Variants in SLCO1B1 observed in about 807,000 individuals in gnomAD.
SLCO1B1 encodes the protein OATP-2.
A neutral mutation model predicts 70.1 loss-of-function variants in SLCO1B1; 81 were observed. That is an observed-to-expected ratio of 1.16 (90% CI 0.97 to 1.39). The LOEUF (loss-of-function observed/expected upper bound fraction) is 1.39. Among genes scored for constraint, SLCO1B1 ranks in the 40% most tolerant of loss-of-function variants. SLCO1B1 has a pLI of 0.00. For missense variants in SLCO1B1, 895 were observed against 799.6 expected (o/e 1.12, Z -1.44); for synonymous variants, 283 against 271.5 (o/e 1.04, Z -0.42).
chr12:21,170,851 C>T (rs879852789), intron 2 of SLCO1B1, among the ~76,000 whole-genome samples: 1 of 152,196 alleles, frequency 6.6e-6, no homozygotes, highest in Non-Finnish European at 1.5e-5. Flanking sequence ...CACATTTTGT[C>T]GGCTATCAAA....
intron 2 of SLCO1B1, 36 bp downstream of exon 2, chr12:21,141,694 T>G (rs771702747): frequency 7.6e-7 from 1 of 1,323,236 alleles, no homozygotes; most frequent in Non-Finnish European, 1.1e-6. Context: ...CTAAAATAAG[T>G]AAATAGGGAA....
intron 2 of SLCO1B1, among the ~76,000 whole-genome samples, 188 bp from the exon 3 acceptor site, chr12:21,172,462 A>C (rs1940767497): frequency 6.6e-6 from 1 of 152,242 alleles, no homozygotes; most frequent in Non-Finnish European, 1.5e-5. Context: ...ATGCTTTATC[A>C]GTGTAGTGAT....
intron 1 of SLCO1B1, among the ~76,000 whole-genome samples, chr12:21,133,555 G>T (rs1165822935): frequency 2.6e-5 from 4 of 152,094 alleles, no homozygotes; most frequent in African/African-American, 9.7e-5. Context: ...CACATCCCTT[G>T]TAAGTTGGAT....
At chr12:21,183,987 A>G (rs931922083) in intron 7 of SLCO1B1, among the ~76,000 whole-genome samples, 18 of 152,126 alleles carry the variant, frequency 1.2e-4, no homozygotes, top group African/African-American at 4.3e-4. Context: ...CAAAGAGAGA[A>G]AAGAATCTCA....
intron 2 of SLCO1B1, among the ~76,000 whole-genome samples, chr12:21,149,215 T>G (rs1333019000): frequency 6.6e-6 from 1 of 152,114 alleles, no homozygotes; most frequent in African/African-American, 2.4e-5. Context: ...TATCTTTTAT[T>G]TATTTCTCTT....
Position 21,224,856 on chromosome 12 carries a change from A to G in SLCO1B1, c.1865+17A>G. 1.5e-6 allele frequency: 2 copies of G among 1,323,100 alleles called. No individual in the cohort carries two copies. The highest frequency in any genetic ancestry group is 1.3e-5 in the South Asian group (1 of 79,908). The allele number at this position is 1,323,100 out of a possible 1,614,324, so 82.0% of individuals were successfully genotyped here. On this transcript the variant is annotated intron_variant, in intron 14 of 14. Transcript: ENST00000256958. ...ATCATTTTCGTAAGTTGTCATAAATATATTTCATTATTTTTTCTTTGACTA... is the reference window on the plus strand; with the variant it reads ...ATCATTTTCGTAAGTTGTCATAAATGTATTTCATTATTTTTTCTTTGACTA...
At position 21,200,571 on chromosome 12, in the gene SLCO1B1, C is replaced by T. The variant is rs61760243; in HGVS notation, c.1034C>T (p.Thr345Met). ...CTGTATGTTATGTTTGTGCTTTTGA[C>T]GTTGTTACAAGTAAGCAGCTATATT... Reference protein sequence around the residue: ...NPLYVMFVLLTLLQVSSYIGA... With the variant: ...NPLYVMFVLLMLLQVSSYIGA... Residue 345 changes from threonine (T) to methionine (M), a missense_variant, in exon 9 of 15, where the codon ACG (threonine) becomes ATG (methionine). Coordinates refer to ENST00000256958, the MANE Select transcript of SLCO1B1 (RefSeq NM_006446.5). The T allele has an allele frequency of 1.8e-4, 293 of 1,607,152 alleles. 2 individuals carry two copies. The Middle Eastern group carries it at 2.0e-3, about 11-fold the overall frequency.
rs1941168442 is a variant in SLCO1B1 at position 21,202,389 on chromosome 12, CAAT to C, written c.1136-97_1136-95del. Reference sequence around the variant, plus strand: ...CTTAAAGTAAAATTTTAAAAAGAAGCAATAATATTGAATAAATTTGATTGACAT... The same window carrying C: ...CTTAAAGTAAAATTTTAAAAAGAAGCAATATTGAATAAATTTGATTGACAT... On this transcript the variant is annotated intron_variant, in intron 9 of 14. Transcript: ENST00000256958. 6.5e-6 allele frequency: 5 copies of C among 772,986 alleles called. No homozygotes were observed. The Admixed American group carries it at 1.4e-4, about 22-fold the overall frequency. 47.9% of individuals were successfully genotyped at this position (772,986 alleles called of 1,614,324 possible).
intron 2 of SLCO1B1, among the ~76,000 whole-genome samples, chr12:21,146,234 G>A (rs1388290697): frequency 2.3e-4 from 35 of 152,116 alleles, no homozygotes; most frequent in Admixed American, 2.3e-3. Context: ...GTTGTAGGCA[G>A]AGTGTTGCTT....
chr12:21,165,672 T>A (rs1220011551), intron 2 of SLCO1B1, among the ~76,000 whole-genome samples: 1 of 152,142 alleles, frequency 6.6e-6, no homozygotes, highest in Non-Finnish European at 1.5e-5. Flanking sequence ...AGAAATTTGC[T>A]CTTATAATGT....
intron 2 of SLCO1B1, among the ~76,000 whole-genome samples, chr12:21,162,691 T>C (rs1940636220): frequency 6.6e-6 from 1 of 152,242 alleles, no homozygotes; most frequent in South Asian, 2.1e-4. Context: ...ATTCCCTTTA[T>C]GCTTTACTTC....
At chr12:21,201,690 T>C (rs1941159904) in intron 9 of SLCO1B1, among the ~76,000 whole-genome samples, 1 of 152,118 alleles carries the variant, frequency 6.6e-6, no homozygotes, top group Non-Finnish European at 1.5e-5. Context: ...AGAAAGATGG[T>C]GTTTTGTTGT....
chr12:21,154,174 A>G (rs1940510193), intron 2 of SLCO1B1, among the ~76,000 whole-genome samples: 1 of 152,114 alleles, frequency 6.6e-6, no homozygotes, highest in Non-Finnish European at 1.5e-5. Context: ...CAAACATTCT[A>G]GCATGATTCT....
At chr12:21,225,543 A>G (rs1171574205) in intron 14 of SLCO1B1, among the ~76,000 whole-genome samples, 2 of 152,244 alleles carry the variant, frequency 1.3e-5, no homozygotes, top group African/African-American at 4.8e-5. Context: ...GCAGAAACTA[A>G]GTATGACCCA....
intron 11 of SLCO1B1, among the ~76,000 whole-genome samples, chr12:21,210,592 T>C (rs1941271378): frequency 6.7e-6 from 1 of 149,620 alleles, no homozygotes; most frequent in Non-Finnish European, 1.5e-5. Context: ...TCCAATTCTG[T>C]GAAGAAAGTC....
intron 2 of SLCO1B1, among the ~76,000 whole-genome samples, chr12:21,144,150 A>AT (rs1940350735): frequency 6.6e-6 from 1 of 152,168 alleles, no homozygotes; most frequent in African/African-American, 2.4e-5. Flanking sequence ...ACAGGGGAAG[A>AT]TTTAAATGCA....
chr12:21,159,164 C>G (rs1336013851), intron 2 of SLCO1B1, among the ~76,000 whole-genome samples: 3 of 152,062 alleles, frequency 2.0e-5, no homozygotes, highest in Admixed American at 2.0e-4. Context: ...TGCATTTTCT[C>G]AAAATACATT....
At chr12:21,160,995 A>C (rs7297468) in intron 2 of SLCO1B1, among the ~76,000 whole-genome samples, 27,253 of 152,116 alleles carry the variant, frequency 0.18, 3,220 homozygotes, top group African/African-American at 0.34. Context: ...TTATTATTAA[A>C]AAATAAAAAA....
chr12:21,212,495 G>A (rs1346675623), intron 11 of SLCO1B1, among the ~76,000 whole-genome samples: 4 of 144,738 alleles, frequency 2.8e-5, no homozygotes, highest in Admixed American at 1.4e-4. Context: ...TATGTGGTCA[G>A]TTTTGGAATA....
Sources: allele counts gnomAD v4.1 joint callset (sites outside exome capture counted in the v4.1 genomes callset), GRCh38; gene constraint gnomAD v4.1.1; transcripts MANE v1.5; gene names NCBI Gene and HGNC (gene_info 2026-07-23, HGNC 2026-07-21).